Variants in CAVIN1 observed in about 807,000 individuals in gnomAD.
The protein encoded by CAVIN1 is caveolae associated protein 1.
A neutral mutation model predicts 24.0 loss-of-function variants in CAVIN1; 16 were observed. That is an observed-to-expected ratio of 0.67 (90% CI 0.45 to 1.01). The LOEUF (loss-of-function observed/expected upper bound fraction) is 1.01, where lower values mean the gene tolerates loss of function less well. Ranked by LOEUF, CAVIN1 falls within the 50% of genes least tolerant of loss-of-function variation. The pLI is 0.00. For missense variants in CAVIN1, 510 were observed against 551.7 expected (o/e 0.92, Z 0.76); for synonymous variants, 256 against 256.4 (o/e 1.00, Z 0.02).
In CAVIN1 at chr17:42,403,203, G is replaced by C. The variant is rs2085422519; in HGVS notation, c.*1484C>G. 6.6e-6 allele frequency: 1 copy of C among 152,648 alleles called. No individual in the cohort carries two copies. The highest frequency in any genetic ancestry group is 2.1e-4 in the South Asian group (1 of 4,836). 9.5% of individuals were successfully genotyped at this position (152,648 alleles called of 1,614,324 possible). A position where few individuals can be genotyped will look rare whatever the true frequency, so the allele number is the denominator to read the frequency against. On this transcript the variant is annotated 3_prime_UTR_variant, in exon 2 of 2. Transcript: ENST00000357037. ...CCGCCTCAGCCTCCCAAGTAGCTGA[G>C]ACCACAGGCACGTGCCACCATGCTC...
Position 42,423,179 on chromosome 17 carries a change from A to T in CAVIN1, c.-82T>A. Reference sequence around the variant, plus strand: ...CCGGAGAGAAGCAGGAGCGGAAGGGAGGAGAGCTAGCGGGCGAGAGCGGAG... The same window carrying T: ...CCGGAGAGAAGCAGGAGCGGAAGGGTGGAGAGCTAGCGGGCGAGAGCGGAG... On this transcript the variant is annotated 5_prime_UTR_variant, in exon 1 of 2. Coordinates refer to ENST00000357037, the MANE Select transcript of CAVIN1 (RefSeq NM_012232.6). 2 of 1,146,960 alleles carry T rather than the reference A, an allele frequency of 1.7e-6. No homozygotes were observed. Among genetic ancestry groups the T allele is most frequent in the South Asian group, 3.2e-5 (2 of 63,424 alleles). 71.0% of individuals were successfully genotyped at this position (1,146,960 alleles called of 1,614,324 possible). A position where few individuals can be genotyped will look rare whatever the true frequency, so the allele number is the denominator to read the frequency against.
chr17:42,418,711 AAAG>A (rs1426605212), intron 1 of CAVIN1, among the ~76,000 whole-genome samples: 1 of 152,222 alleles, frequency 6.6e-6, no homozygotes, highest in African/African-American at 2.4e-5. Flanking sequence ...CAAAATAATT[AAAG>A]GAGTGGAATT....
In CAVIN1 at chr17:42,423,035, G is replaced by A. The variant is rs888286480; in HGVS notation, c.63C>T (p.Ala21=). 4 of 1,611,360 alleles carry A rather than the reference G, an allele frequency of 2.5e-6. No homozygotes were observed. In the Admixed American group the frequency reaches 6.7e-5, roughly 27 times the overall value. ...RPLPGYPDAE[A]PEPSSAGAQA... ...GAGCCCCAGCGGAGGAAGGCTCCGG[G>A]GCCTCGGCGTCGGGGTACCCGGGAA... The change falls in exon 1 of 2, where the codon GCC becomes GCT. Residue 21 remains alanine (A), a synonymous_variant. Transcript: ENST00000357037.
At chr17:42,411,364 G>C in intron 1 of CAVIN1, 1 of 874,686 alleles carries the variant, frequency 1.1e-6, no homozygotes, top group Non-Finnish European at 1.4e-6. Context: ...AACCAGCCTG[G>C]GCAACACAGT....
chr17:42,415,746 GA>G (rs1021055891), intron 1 of CAVIN1, among the ~76,000 whole-genome samples: 6 of 150,602 alleles, frequency 4.0e-5, no homozygotes, highest in African/African-American at 9.8e-5. Context: ...CAAAAAAAAA[GA>G]AAAAAAGAAA....
intron 1 of CAVIN1, among the ~76,000 whole-genome samples, chr17:42,409,957 C>T (rs915426747): frequency 6.6e-6 from 1 of 152,134 alleles, no homozygotes; most frequent in Non-Finnish European, 1.5e-5. Flanking sequence ...GTTCCCCCTG[C>T]CCTTTGCCAA....
intron 1 of CAVIN1, among the ~76,000 whole-genome samples, chr17:42,413,946 G>A (rs539399100): frequency 6.6e-6 from 1 of 152,250 alleles, no homozygotes; most frequent in South Asian, 2.1e-4. Flanking sequence ...CCCAGGCTGT[G>A]GAGTATAGTG....
intron 1 of CAVIN1, among the ~76,000 whole-genome samples, chr17:42,418,314 C>T (rs1282336546): frequency 6.6e-6 from 1 of 151,368 alleles, no homozygotes; most frequent in Non-Finnish European, 1.5e-5. Context: ...TCACCGCAAC[C>T]TCTGCCTCCT....
chr17:42,405,420 G>T, intron 1 of CAVIN1, 32 bp from the exon 2 acceptor site: 1 of 1,597,486 alleles, frequency 6.3e-7, no homozygotes, highest in Non-Finnish European at 8.5e-7. Context: ...CATGAGAGGC[G>T]TCGGAGGAGG....
rs2085421969 is a variant in CAVIN1, at chr17:42,403,100, C to T, written c.*1587G>A. 1 of 152,318 alleles carries T rather than the reference C, an allele frequency of 6.6e-6. No homozygotes were observed. The highest frequency in any genetic ancestry group is 1.5e-5 in the Non-Finnish European group (1 of 68,148). 9.4% of individuals were successfully genotyped at this position (152,318 alleles called of 1,614,324 possible). On this transcript the variant is annotated 3_prime_UTR_variant, in exon 2 of 2. Transcript: ENST00000357037. ...TTTTTCCTTTTTAAACAGCGTATCA[C>T]TCTGTTGCCTAGGATGGAGCACAGA...
At chr17:42,414,804 C>T (rs2085501852) in intron 1 of CAVIN1, among the ~76,000 whole-genome samples, 1 of 152,010 alleles carries the variant, frequency 6.6e-6, no homozygotes, top group Non-Finnish European at 1.5e-5. Flanking sequence ...GTGGGAGTGG[C>T]AGAGAGGCTG....
At chr17:42,410,255 G>T (rs1419782196) in intron 1 of CAVIN1, among the ~76,000 whole-genome samples, 5 of 152,174 alleles carry the variant, frequency 3.3e-5, no homozygotes, top group African/African-American at 1.2e-4. Flanking sequence ...AATGGCTGGA[G>T]GAGACTGGAG....
At position 42,422,724 on chromosome 17, in the gene CAVIN1, C is replaced by T. The variant is rs772323287; in HGVS notation, c.374G>A (p.Arg125His). 19 of 1,610,112 alleles carry T rather than the reference C, an allele frequency of 1.2e-5. No homozygotes were observed. In the East Asian group the frequency reaches 3.8e-4, roughly 32 times the overall value. Residue 125 changes from arginine (R) to histidine (H), a missense_variant, in exon 1 of 2, where the codon CGC (arginine) becomes CAC (histidine). Transcript: ENST00000357037. ...RKVSVNVKTV[R>H]GSLERQAGQI... ...CCCCGCCTGGCGCTCCAGGCTGCCG[C>T]GCACGGTCTTCACGTTGACGCTGAC...
At position 42,404,844 on chromosome 17, in the gene CAVIN1, G is replaced by A. The variant is rs2085432661; in HGVS notation, c.1016C>T (p.Thr339Ile). The A allele has an allele frequency of 1.2e-6, 2 of 1,613,668 alleles. No individual in the cohort carries two copies. The highest frequency in any genetic ancestry group is 8.5e-7 in the Non-Finnish European group (1 of 1,179,802). The change falls in exon 2 of 2, where the codon ACC (threonine) becomes ATC (isoleucine). Residue 339 changes from threonine (T) to isoleucine (I), a missense_variant. Coordinates refer to ENST00000357037, the MANE Select transcript of CAVIN1 (RefSeq NM_012232.6). ...GTCGGCGCCCACCTCCACCATCTCG[G>A]TGGCCTTGAGCACTTCCACCTGGCC... is the stretch of plus-strand genomic sequence containing the variant. The part of the protein sequence containing the change: ...REGQVEVLKA[T>I]EMVEVGADDD...
rs2085430533 is a variant in CAVIN1 at position 42,404,647 on chromosome 17, G to A, written c.*40C>T. 4 of 1,313,476 alleles carry A rather than the reference G, an allele frequency of 3.0e-6. No homozygotes were observed. Among genetic ancestry groups the A allele is most frequent in the Non-Finnish European group, 4.0e-6 (4 of 1,004,244 alleles). 81.4% of individuals were successfully genotyped at this position (1,313,476 alleles called of 1,614,324 possible). On this transcript the variant is annotated 3_prime_UTR_variant, in exon 2 of 2. Transcript: ENST00000357037. Reference sequence around the variant, plus strand: ...AGAGAGAATGCGAAAGAGGAAGTTCGGAAGGAGCGAGGAATGGGGTGGGTG... The same window carrying A: ...AGAGAGAATGCGAAAGAGGAAGTTCAGAAGGAGCGAGGAATGGGGTGGGTG...
chr17:42,421,440 G>C (rs1251072631), intron 1 of CAVIN1, among the ~76,000 whole-genome samples: 1 of 152,118 alleles, frequency 6.6e-6, no homozygotes, highest in African/African-American at 2.4e-5. Context: ...AGCAGGGAGA[G>C]GAAGGGGAGA....
chr17:42,413,905 G>GT (rs1467730471), intron 1 of CAVIN1, among the ~76,000 whole-genome samples: 4 of 151,522 alleles, frequency 2.6e-5, no homozygotes, highest in South Asian at 2.1e-4. Flanking sequence ...TGTGGTTGTT[G>GT]TTTTTTTTTA....
chr17:42,411,334 CTT>C (rs1245123709), intron 1 of CAVIN1: 1 of 601,728 alleles, frequency 1.7e-6, no homozygotes, highest in African/African-American at 2.0e-5. Flanking sequence ...GGGAGGATCA[CTT>C]GAGCCCCAGG....
rs1401642173 is a variant in CAVIN1, at chr17:42,405,052, G to C, written c.808C>G (p.Leu270Val). The change falls in exon 2 of 2, where the codon CTG becomes GTG. Residue 270 changes from leucine to valine, a missense_variant. Coordinates refer to ENST00000357037, the MANE Select transcript of CAVIN1 (RefSeq NM_012232.6). The part of the protein sequence containing the change: ...KENLEKTRHT[L>V]EKRMNKLGTR... ...CCCAGCTTGTTCATGCGCTTCTCCA[G>C]GGTGTGCCGCGTCTTCTCCAGGTTT... 5 of 1,614,180 alleles carry C rather than the reference G, an allele frequency of 3.1e-6. No individual in the cohort carries two copies. Among genetic ancestry groups the C allele is most frequent in the Non-Finnish European group, 4.2e-6 (5 of 1,180,014 alleles).
Sources: allele counts gnomAD v4.1 joint callset (sites outside exome capture counted in the v4.1 genomes callset), GRCh38; gene constraint gnomAD v4.1.1; transcripts MANE v1.5; gene names NCBI Gene and HGNC (gene_info 2026-07-23, HGNC 2026-07-21).